MPP7: variants seen among roughly 807,000 people sequenced by gnomAD.
MPP7 encodes MAGUK p55 subfamily member 7.
Under a neutral mutation model 76.5 loss-of-function variants are expected in MPP7, and 60 were observed. The ratio of observed to expected loss-of-function variants is 0.78; its 90% confidence interval spans 0.64 to 0.97. The LOEUF (loss-of-function observed/expected upper bound fraction) is 0.97, where lower values mean the gene tolerates loss of function less well. MPP7 is among the 50% of genes least tolerant of loss of function. MPP7 has a pLI of 0.00. For missense variants in MPP7, 641 were observed against 694.0 expected, an observed-to-expected ratio of 0.92 and a Z score of 0.86; for synonymous variants, 237 against 244.5, an observed-to-expected ratio of 0.97 and a Z score of 0.29.
At chr10:28,092,590 T>TTTTTTTTTTTTG (rs1564626660) in intron 11 of MPP7, among the ~76,000 whole-genome samples, 1 of 149,418 alleles carries the variant, frequency 6.7e-6, no homozygotes, top group African/African-American at 2.5e-5. Context: ...TTTTTTTTTT[T>TTTTTTTTTTTTG]GAGACAGGGA....
intron 1 of MPP7, among the ~76,000 whole-genome samples, chr10:28,248,192 T>C (rs918112902): frequency 5.9e-5 from 9 of 152,150 alleles, no homozygotes; most frequent in African/African-American, 1.9e-4. Context: ...CAAACTCTCT[T>C]AGACTAACAC....
chr10:28,075,093 G>A (rs1259401818), intron 12 of MPP7, among the ~76,000 whole-genome samples: 2 of 152,012 alleles, frequency 1.3e-5, no homozygotes, highest in African/African-American at 4.8e-5. Flanking sequence ...CATATGGCGG[G>A]AGCAGGAAGA....
chr10:28,238,354 C>T (rs1839148236), intron 2 of MPP7, among the ~76,000 whole-genome samples: 1 of 152,180 alleles, frequency 6.6e-6, no homozygotes, highest in Non-Finnish European at 1.5e-5. Flanking sequence ...AATATCTGCA[C>T]ATGCCATCAC....
At chr10:28,118,888 G>T (rs1834740127) in intron 11 of MPP7, 1 of 985,184 alleles carries the variant, frequency 1.0e-6, no homozygotes, top group Middle Eastern at 5.2e-4. Context: ...CCATTTATTT[G>T]GTCATTTCGC....
At chr10:28,170,069 A>G (rs12412248) in intron 3 of MPP7, among the ~76,000 whole-genome samples, 20,227 of 152,176 alleles carry the variant, frequency 0.13, 2,045 homozygotes, top group African/African-American at 0.28. Context: ...GTAGATATCC[A>G]TAAGTTTCCT....
chr10:28,318,365 A>G (rs1834340017), intron 2 of MPP7, among the ~76,000 whole-genome samples: 1 of 152,190 alleles, frequency 6.6e-6, no homozygotes, highest in Non-Finnish European at 1.5e-5. Flanking sequence ...GTGTAACATA[A>G]CACAGCACAG....
At chr10:28,279,164 G>A (rs1218235782) in intron 1 of MPP7, among the ~76,000 whole-genome samples, 3 of 152,002 alleles carry the variant, frequency 2.0e-5, no homozygotes, top group South Asian at 2.1e-4. Context: ...GTTCTCCAGT[G>A]GCAGCAACTA....
chr10:28,100,141 A>C (rs1226878419), intron 11 of MPP7, among the ~76,000 whole-genome samples: 1 of 151,396 alleles, frequency 6.6e-6, no homozygotes, highest in Admixed American at 6.6e-5. Context: ...AAAAACACGT[A>C]GACATTAATA....
chr10:28,071,789 C>G (rs2133372241), intron 12 of MPP7, among the ~76,000 whole-genome samples: 1 of 152,264 alleles, frequency 6.6e-6, no homozygotes, highest in African/African-American at 2.4e-5. Flanking sequence ...AGGAGCTATT[C>G]TGCACAAGAA....
At chr10:28,090,089 CAGG>C (rs1853223308) in intron 11 of MPP7, among the ~76,000 whole-genome samples, 1 of 152,018 alleles carries the variant, frequency 6.6e-6, no homozygotes, top group Non-Finnish European at 1.5e-5. Flanking sequence ...GGCTCCCAGG[CAGG>C]TGGGATTACA....
At chr10:28,314,508 C>T (rs558958497) in intron 2 of MPP7, among the ~76,000 whole-genome samples, 6 of 152,230 alleles carry the variant, frequency 3.9e-5, no homozygotes, top group South Asian at 2.1e-4. Flanking sequence ...CTAGCTTCCG[C>T]GTATGTTCAC....
rs184548775 is a variant in MPP7, at chr10:28,237,352, T to A, written c.37+1216A>T. On this transcript the variant is annotated intron_variant, in intron 2 of 16. Transcript: ENST00000683449. ...TAAAACCTAAAAAGAAGAAAAAAAA[T>A]TTCCAAAGGGTCTGGCTTCCAAGTT... is the stretch of plus-strand genomic sequence containing the variant. Among the ~76,000 whole-genome samples the A allele has an allele frequency of 7.2e-5, 11 of 151,932 alleles. No homozygotes were observed. The East Asian group carries it at 9.7e-4, about 13-fold the overall frequency.
At chr10:28,149,046 G>A (rs1038685385) in intron 4 of MPP7, among the ~76,000 whole-genome samples, 8 of 152,086 alleles carry the variant, frequency 5.3e-5, no homozygotes, top group Middle Eastern at 3.4e-3. Context: ...AAGAAAAATG[G>A]GAACTAAACA....
At chr10:28,066,959 T>C (rs1470227211) in intron 13 of MPP7, among the ~76,000 whole-genome samples, 1 of 152,172 alleles carries the variant, frequency 6.6e-6, no homozygotes, top group African/African-American at 2.4e-5. Context: ...TGATAAGCAT[T>C]TGAGTAGTTT....
intron 11 of MPP7, among the ~76,000 whole-genome samples, 192 bp downstream of exon 11, chr10:28,119,459 C>T (rs1418742664): frequency 6.6e-6 from 1 of 152,054 alleles, no homozygotes; most frequent in Non-Finnish European, 1.5e-5. Flanking sequence ...ACAACCTCAA[C>T]CACCCCTTTC....
chr10:28,183,714 AG>A (rs769949573), intron 3 of MPP7, among the ~76,000 whole-genome samples: 11 of 152,154 alleles, frequency 7.2e-5, no homozygotes, highest in Non-Finnish European at 1.5e-4. Flanking sequence ...TGAGCCCAAA[AG>A]GTTGAGGCTG....
chr10:28,220,379 A>G (rs1838460728), intron 2 of MPP7, among the ~76,000 whole-genome samples: 1 of 152,122 alleles, frequency 6.6e-6, no homozygotes, highest in East Asian at 1.9e-4. Flanking sequence ...ATCCTTTCCA[A>G]AAATCGATTA....
chr10:28,154,445 C>T (rs1445805462), intron 3 of MPP7, among the ~76,000 whole-genome samples: 1 of 152,132 alleles, frequency 6.6e-6, no homozygotes, highest in Non-Finnish European at 1.5e-5. Flanking sequence ...GGTACTTTGC[C>T]TTCAATTCCA....
chr10:28,245,424 G>C (rs7088465), intron 1 of MPP7, among the ~76,000 whole-genome samples: 42,161 of 151,838 alleles, frequency 0.28, 6,586 homozygotes, highest in East Asian at 0.54. Flanking sequence ...ATGATCCGCT[G>C]TCTTTCCCTT....
Sources: gnomAD v4.1 joint callset for allele counts (sites outside exome capture counted in the v4.1 genomes callset) on GRCh38, gnomAD v4.1.1 for gene constraint, MANE v1.5 for transcripts, NCBI Gene and HGNC (gene_info 2026-07-23, HGNC 2026-07-21) for gene names.